Variants in ZNF33A observed in about 807,000 individuals in gnomAD.
The protein encoded by ZNF33A is zinc finger protein 33A, also known as brain my041 protein.
A neutral mutation model predicts 15.9 loss-of-function variants in ZNF33A; 9 were observed. The observed-to-expected ratio is 0.57, with a 90% CI of 0.34 to 0.99. The LOEUF is 0.99. ZNF33A is among the 50% of genes least tolerant of loss of function. The probability of loss-of-function intolerance (pLI) is 0.02; values close to 1 mark genes in which losing one functional copy is unlikely to be tolerated. For missense variants in ZNF33A, 843 were observed against 941.6 expected, an observed-to-expected ratio of 0.90 and a Z score of 1.37; for synonymous variants, 294 against 324.2, an observed-to-expected ratio of 0.91 and a Z score of 1.00.
intron 4 of ZNF33A, among the ~76,000 whole-genome samples, chr10:38,022,657 CAAAA>C (rs35295191): frequency 0.013 from 1,138 of 90,908 alleles, 17 homozygotes; most frequent in African/African-American, 0.046. Flanking sequence ...AACTCTGTCT[CAAAA>C]AAAAAAAAAA....
At chr10:38,045,870 C>T (rs2065925625) in intron 4 of ZNF33A, among the ~76,000 whole-genome samples, 1 of 152,314 alleles carries the variant, frequency 6.6e-6, no homozygotes, top group South Asian at 2.1e-4. Context: ...TCTGTCCTTA[C>T]AGCTGGCCCT....
At position 38,012,324 on chromosome 10, in the gene ZNF33A, T is replaced by C. The variant is rs1320293671; in HGVS notation, c.-18T>C. On this transcript the variant is annotated 5_prime_UTR_variant, in exon 2 of 5. Transcript: ENST00000432900. ...TGTATCTTCAGAGTTGTCTCCGTCT[T>C]TCCAAGAACAGAACAAAATGAACAA... 6.2e-7 allele frequency: 1 copy of C among 1,613,590 alleles called. No homozygotes were observed. The highest frequency in any genetic ancestry group is 8.5e-7 in the Non-Finnish European group (1 of 1,179,908).
At chr10:38,035,472 G>C (rs913248055) in intron 4 of ZNF33A, among the ~76,000 whole-genome samples, 6 of 152,148 alleles carry the variant, frequency 3.9e-5, no homozygotes, top group African/African-American at 1.4e-4. Flanking sequence ...GGCACTGTCA[G>C]AATTGTTAAT....
chr10:38,037,369 C>T lies in ZNF33A; in HGVS notation c.251-17006C>T, dbSNP rs201323691. Among the ~76,000 whole-genome samples the T allele has an allele frequency of 3.4e-4, 51 of 151,258 alleles. No homozygotes were observed. The East Asian group carries it at 9.5e-3, about 28-fold the overall frequency. ...TTGAGAGGAAGTCTCTGACGCCCAG[C>T]CTGGTGGGCAGTGGCACGATCTTGG... On this transcript the variant is annotated intron_variant, in intron 4 of 4. Transcript: ENST00000432900.
chr10:38,029,508 T>C (rs2065124458), intron 4 of ZNF33A, among the ~76,000 whole-genome samples: 1 of 152,210 alleles, frequency 6.6e-6, no homozygotes, highest in African/African-American at 2.4e-5. Context: ...GGCATTCACT[T>C]GGTTACTGTA....
intron 4 of ZNF33A, among the ~76,000 whole-genome samples, chr10:38,030,632 G>A (rs1274354279): frequency 6.6e-6 from 1 of 152,180 alleles, no homozygotes; most frequent in Non-Finnish European, 1.5e-5. Flanking sequence ...GGAGACTAGA[G>A]AAGGCTCCTA....
At chr10:38,063,321 C>T (rs1461093374), downstream of ZNF33A, among the ~76,000 whole-genome samples, 1 of 152,076 alleles carries the variant, frequency 6.6e-6, no homozygotes, top group East Asian at 1.9e-4. Flanking sequence ...TGGAAGCAGA[C>T]ATAGCTTGGT....
intron 2 of ZNF33A, 62 bp downstream of exon 2, chr10:38,012,412 C>T (rs189027488): frequency 1.3e-5 from 13 of 990,142 alleles, no homozygotes; most frequent in Admixed American, 8.7e-5. Flanking sequence ...TTGTAAGAGT[C>T]GATATGGTGT....
intron 4 of ZNF33A, among the ~76,000 whole-genome samples, chr10:38,020,007 T>C (rs2135560721): frequency 6.6e-6 from 1 of 152,310 alleles, no homozygotes; most frequent in South Asian, 2.1e-4. Flanking sequence ...GTTACATATG[T>C]ACATTTTTAT....
intron 2 of ZNF33A, 60 bp downstream of exon 2, chr10:38,012,410 G>C (rs1202909110): frequency 3.6e-6 from 4 of 1,104,088 alleles, no homozygotes; most frequent in Non-Finnish European, 5.4e-6. Context: ...ATTTGTAAGA[G>C]TCGATATGGT....
At chr10:38,024,262 C>T (rs964171641) in intron 4 of ZNF33A, among the ~76,000 whole-genome samples, 35 of 151,412 alleles carry the variant, frequency 2.3e-4, no homozygotes, top group African/African-American at 8.2e-4. Flanking sequence ...TAATCAATTT[C>T]TCTCTACTAA....
At position 38,055,476 on chromosome 10, in the gene ZNF33A, G is replaced by A. The variant is rs748635888; in HGVS notation, c.1352G>A (p.Arg451His). 89 of 1,613,806 alleles carry A rather than the reference G, an allele frequency of 5.5e-5. No homozygotes were observed. The highest frequency in any genetic ancestry group is 3.6e-4 in the East Asian group (16 of 44,848). ...TGTTATGAATGTGGAAAATCCTTCC[G>A]TGTGACTTCGCACCTTAAAGTACAC... ...YECYECGKSF[R>H]VTSHLKVHQR... The change falls in exon 5 of 5, where the codon CGT becomes CAT. Residue 451 changes from arginine (R) to histidine (H), a missense_variant. By Grantham distance (29) the Arg-to-His change is conservative (BLOSUM62 0). Transcript: ENST00000432900.
At chr10:38,026,741 AACTTTATTTTCTC>A (rs1215441912) in intron 4 of ZNF33A, among the ~76,000 whole-genome samples, 1 of 152,212 alleles carries the variant, frequency 6.6e-6, no homozygotes, top group Non-Finnish European at 1.5e-5. Context: ...GTAGGGATCT[AACTTTATTTTCTC>A]ACTTTATTTT....
chr10:38,061,997 C>A (rs562982226), downstream of ZNF33A, among the ~76,000 whole-genome samples: 18 of 152,244 alleles, frequency 1.2e-4, no homozygotes, highest in Non-Finnish European at 2.1e-4. Flanking sequence ...GAAACTGAAT[C>A]CTCAGTGCAA....
At chr10:38,012,198 T>G in intron 1 of ZNF33A, 100 bp from the exon 2 acceptor site, 1 of 1,203,748 alleles carries the variant, frequency 8.3e-7, no homozygotes, top group South Asian at 1.4e-5. Flanking sequence ...GAGGAAGCAT[T>G]TTACCTAGTG....
intron 4 of ZNF33A, among the ~76,000 whole-genome samples, chr10:38,046,071 C>T (rs1342164894): frequency 6.6e-6 from 1 of 152,138 alleles, no homozygotes; most frequent in African/African-American, 2.4e-5. Flanking sequence ...TCTCAGACTG[C>T]CATGACTGGG....
Position 38,056,797 on chromosome 10 carries a change from A to G in ZNF33A, c.*237A>G. On this transcript the variant is annotated 3_prime_UTR_variant, in exon 5 of 5. Transcript: ENST00000432900. The stretch of plus-strand genomic sequence containing the variant: ...AGAAAATTGTCAATTTAAGAAATCT[A>G]AAGTGAAAATTTTGCTTAGAAATAA... 1 of 1,191,776 alleles carries G rather than the reference A, an allele frequency of 8.4e-7. No individual in the cohort carries two copies. Among genetic ancestry groups the G allele is most frequent in the Non-Finnish European group, 1.0e-6 (1 of 962,302 alleles). The allele number at this position is 1,191,776 out of a possible 1,614,324, so 73.8% of individuals were successfully genotyped here. A position where few individuals can be genotyped will look rare whatever the true frequency, so the allele number is the denominator to read the frequency against.
At position 38,054,751 on chromosome 10, in the gene ZNF33A, T is replaced by A. The variant is rs146079384; in HGVS notation, c.627T>A (p.His209Gln). Residue 209 changes from histidine (H) to glutamine (Q), a missense_variant, in exon 5 of 5, where the codon CAT (histidine) becomes CAA (glutamine). Transcript: ENST00000432900. ...GTCATCATGAGGAGACTTTGCAGCA[T>A]GAGAAGATTCAAACTTTAGAGCACA... ...TLSHHEETLQHEKIQTLEHNF... is the reference protein window; with the variant it reads ...TLSHHEETLQQEKIQTLEHNF... The A allele has an allele frequency of 3.5e-4, 569 of 1,613,582 alleles. 3 individuals carry two copies. The highest frequency in any genetic ancestry group is 2.2e-3 in the South Asian group (203 of 90,962).
chr10:38,047,690 ACTT>A lies in ZNF33A; in HGVS notation c.251-6683_251-6681del, dbSNP rs541968475. On this transcript the variant is annotated intron_variant, in intron 4 of 4. Transcript: ENST00000432900. ...GCAAGCCCCTGTGAGCTTTAAGAGA[ACTT>A]CAAGTAGTCTCTAACACACATGGAA... is the stretch of plus-strand genomic sequence containing the variant. Among the ~76,000 whole-genome samples, 26 of 150,778 alleles carry A rather than the reference ACTT, an allele frequency of 1.7e-4. 1 individual carries two copies. The highest frequency in any genetic ancestry group is 6.9e-3 in the Middle Eastern group (2 of 290).
Sources: gnomAD v4.1 joint callset for allele counts (sites outside exome capture counted in the v4.1 genomes callset) on GRCh38, gnomAD v4.1.1 for gene constraint, MANE v1.5 for transcripts, NCBI Gene and HGNC (gene_info 2026-07-23, HGNC 2026-07-21) for gene names.